Variants in LOXHD1 observed in about 807,000 individuals in gnomAD.
LOXHD1 encodes the protein lipoxygenase homology PLAT domains 1.
In LOXHD1, 205 loss-of-function variants were observed where a neutral mutation model predicts 248.2. That is an observed-to-expected ratio of 0.83 (90% CI 0.74 to 0.93). The LOEUF is 0.93. Ranked by LOEUF, LOXHD1 falls within the 40% of genes least tolerant of loss-of-function variation. LOXHD1 has a pLI of 0.00. For missense variants in LOXHD1, 2,930 were observed against 2,971.6 expected (o/e 0.99, Z 0.33); for synonymous variants, 1,113 against 1,162.8 (o/e 0.96, Z 0.87).
In LOXHD1 at chr18:46,542,845, G is replaced by A. The variant is rs2036622463; in HGVS notation, c.3630C>T (p.Leu1210=). Residue 1210 remains leucine, a synonymous_variant, in exon 24 of 41, where the codon CTC becomes CTT. Transcript: ENST00000642948. ...CGCTGTTTGTCTTGGAGGACTTCAG[G>A]AGGGTCATTCCTGTGGATCAGATGA... ...FGTQDDTGMT[L]LKSSKTNSDK... 5 of 1,551,646 alleles carry A rather than the reference G, an allele frequency of 3.2e-6. No homozygotes were observed. The highest frequency in any genetic ancestry group is 2.4e-5 in the South Asian group (2 of 84,052).
At chr18:46,604,487 T>G (rs1026429733) in intron 6 of LOXHD1, among the ~76,000 whole-genome samples, 3 of 152,248 alleles carry the variant, frequency 2.0e-5, no homozygotes, top group Non-Finnish European at 2.9e-5. Flanking sequence ...TGCAGATCAT[T>G]TTTTAAATTG....
intron 5 of LOXHD1, among the ~76,000 whole-genome samples, chr18:46,614,903 A>G (rs1194499534): frequency 6.6e-6 from 1 of 152,062 alleles, no homozygotes. Flanking sequence ...GAGATTCATA[A>G]TTTCTTAAAT....
chr18:46,518,114 G>T lies in LOXHD1; in HGVS notation c.5399+15C>A. ...AATGTGGGAGGGGTGAGGGGCAGGG[G>T]CCGCCTCCAGGTACCTGGCTTTCTT... On this transcript the variant is annotated intron_variant, in intron 34 of 40. Transcript: ENST00000642948. 1 of 1,550,994 alleles carries T rather than the reference G, an allele frequency of 6.4e-7. No homozygotes were observed. The highest frequency in any genetic ancestry group is 1.2e-5 in the South Asian group (1 of 84,028).
intron 15 of LOXHD1, among the ~76,000 whole-genome samples, chr18:46,570,982 A>G (rs1011836648): frequency 2.6e-5 from 4 of 152,184 alleles, no homozygotes; most frequent in Admixed American, 2.6e-4. Context: ...TACCCTGGGT[A>G]CTGGTCCCAG....
At chr18:46,478,647 G>C (rs1390151656) in intron 40 of LOXHD1, among the ~76,000 whole-genome samples, 2 of 152,046 alleles carry the variant, frequency 1.3e-5, no homozygotes, top group African/African-American at 4.8e-5. Flanking sequence ...CTCATGATCT[G>C]ACTCTCCTCT....
intron 25 of LOXHD1, among the ~76,000 whole-genome samples, chr18:46,541,250 G>T (rs949651089): frequency 2.3e-4 from 35 of 151,192 alleles, no homozygotes; most frequent in African/African-American, 7.5e-4. Context: ...CCTTTTTTTT[G>T]AATTCTGGGT....
At position 46,557,406 on chromosome 18, in the gene LOXHD1, T is replaced by C. The variant is rs2037386964; in HGVS notation, c.3300A>G (p.Ala1100=). The C allele has an allele frequency of 4.5e-6, 7 of 1,552,362 alleles. No homozygotes were observed. Among genetic ancestry groups the C allele is most frequent in the Non-Finnish European group, 6.1e-6 (7 of 1,147,148 alleles). Reference sequence around the variant, plus strand: ...TGTCTATTCTGTCCAGGAACCAGCCTGCTCTGTTGCCTGTGTTGTCGTGGC... The same window carrying C: ...TGTCTATTCTGTCCAGGAACCAGCCCGCTCTGTTGCCTGTGTTGTCGTGGC... ...RIRHDNTGNR[A]GWFLDRIDIT... The change falls in exon 21 of 41, where the codon GCA becomes GCG. Residue 1100 remains alanine, a synonymous_variant. Coordinates refer to ENST00000642948, the MANE Select transcript of LOXHD1 (RefSeq NM_001384474.1).
chr18:46,608,265 A>G (rs946050230), intron 6 of LOXHD1, among the ~76,000 whole-genome samples: 7 of 152,232 alleles, frequency 4.6e-5, no homozygotes, highest in African/African-American at 1.7e-4. Flanking sequence ...AATACAATCC[A>G]CAAAGTTTTA....
chr18:46,650,078 C>T (rs1390717560), intron 1 of LOXHD1, among the ~76,000 whole-genome samples: 1 of 152,132 alleles, frequency 6.6e-6, no homozygotes, highest in Non-Finnish European at 1.5e-5. Flanking sequence ...GGGAAGGTTG[C>T]TGCCACCAGC....
rs970301643 is a variant in LOXHD1 at position 46,601,279 on chromosome 18, G to A, written c.1072C>T (p.Leu358=). 2 of 1,551,702 alleles carry A rather than the reference G, an allele frequency of 1.3e-6. No homozygotes were observed. The highest frequency in any genetic ancestry group is 1.7e-6 in the Non-Finnish European group (2 of 1,146,986). The part of the protein sequence containing the change: ...HIELAVLLSP[L]SRVSVGHGNV... ...CCATGCCCGACGGAGACCCGACTCA[G>A]GGGGCTAAGGAGGACAGCCAGCTCG... The change falls in exon 8 of 41, where the codon CTG becomes TTG. Residue 358 remains leucine, a synonymous_variant. Coordinates refer to ENST00000642948, the MANE Select transcript of LOXHD1 (RefSeq NM_001384474.1).
intron 1 of LOXHD1, among the ~76,000 whole-genome samples, chr18:46,652,851 T>TA (rs764901536): frequency 2.0e-5 from 3 of 152,176 alleles, no homozygotes; most frequent in Admixed American, 6.5e-5. Flanking sequence ...TAATCAGCAA[T>TA]AAAAAAGAAC....
intron 34 of LOXHD1, among the ~76,000 whole-genome samples, chr18:46,514,064 C>A (rs78849028): frequency 6.6e-6 from 1 of 152,152 alleles, no homozygotes; most frequent in South Asian, 2.1e-4. Context: ...GCATCCCCTA[C>A]GAGACATATG....
intron 21 of LOXHD1, among the ~76,000 whole-genome samples, chr18:46,550,344 C>T (rs905418590): frequency 2.0e-5 from 3 of 151,588 alleles, no homozygotes; most frequent in Non-Finnish European, 4.4e-5. Context: ...GAGGCCGAGG[C>T]GGGTGGATCA....
intron 8 of LOXHD1, among the ~76,000 whole-genome samples, chr18:46,595,030 A>C (rs868434735): frequency 1.3e-5 from 2 of 152,166 alleles, no homozygotes; most frequent in East Asian, 1.9e-4. Context: ...TCAGCAAAGA[A>C]ATTTTGACTC....
At chr18:46,584,418 T>C (rs553186786) in intron 12 of LOXHD1, among the ~76,000 whole-genome samples, 75 of 152,228 alleles carry the variant, frequency 4.9e-4, no homozygotes, top group Middle Eastern at 6.8e-3. Context: ...GATAAATGCA[T>C]GAGGTGATGG....
intron 4 of LOXHD1, among the ~76,000 whole-genome samples, chr18:46,632,292 T>C (rs2038835594): frequency 6.6e-6 from 1 of 152,336 alleles, no homozygotes; most frequent in South Asian, 2.1e-4. Flanking sequence ...CTCTGAGCCA[T>C]GATGCTCTAC....
In LOXHD1 at chr18:46,555,249, G is replaced by A. The variant is rs920418812; in HGVS notation, c.3350+2107C>T. ...TTTTCAGAACATCTTAAGAAGTTAG[G>A]CTGGCAACATTAAGCCCATTTATCA... On this transcript the variant is annotated intron_variant, in intron 21 of 40. Coordinates refer to ENST00000642948, the MANE Select transcript of LOXHD1 (RefSeq NM_001384474.1). The A allele has an allele frequency of 6.4e-5, 30 of 466,106 alleles. No homozygotes were observed. The Admixed American group carries it at 6.7e-4, about 10-fold the overall frequency. The allele number at this position is 466,106 out of a possible 1,614,324, so 28.9% of individuals were successfully genotyped here. A position where few individuals can be genotyped will look rare whatever the true frequency, so the allele number is the denominator to read the frequency against.
chr18:46,642,105 C>G, intron 2 of LOXHD1, 69 bp from the exon 3 acceptor site: 1 of 1,388,538 alleles, frequency 7.2e-7, no homozygotes, highest in Admixed American at 2.0e-5. Context: ...GAGCCAAGGG[C>G]TGGCATTCCG....
chr18:46,569,257 T>TA (rs1377466708), intron 16 of LOXHD1, among the ~76,000 whole-genome samples, 185 bp downstream of exon 16: 1 of 152,202 alleles, frequency 6.6e-6, no homozygotes, highest in Non-Finnish European at 1.5e-5. Context: ...AGGTCACAGC[T>TA]AAAAAACTAC....
Sources: gnomAD v4.1 joint callset for allele counts (sites outside exome capture counted in the v4.1 genomes callset) on GRCh38, gnomAD v4.1.1 for gene constraint, MANE v1.5 for transcripts, NCBI Gene and HGNC (gene_info 2026-07-23, HGNC 2026-07-21) for gene names.